ELAVL2: variants seen among roughly 807,000 people sequenced by gnomAD.
The protein encoded by ELAVL2 is ELAV-like protein 2.
ELAVL2 carries 4 observed loss-of-function variants against 34.6 expected under a neutral mutation model. The ratio of observed to expected loss-of-function variants is 0.12; its 90% CI spans 0.06 to 0.26. The LOEUF (loss-of-function observed/expected upper bound fraction) is 0.26, where lower values mean the gene tolerates loss of function less well. Ranked by LOEUF, ELAVL2 falls within the 10% of genes least tolerant of loss-of-function variation. The probability of loss-of-function intolerance (pLI) is 1.00; values close to 1 mark genes in which losing one functional copy is unlikely to be tolerated. For synonymous variants in ELAVL2, 193 were observed against 154.8 expected (o/e 1.25, Z -1.83); for missense variants, 432 against 442.8 (o/e 0.98, Z 0.22).
chr9:23,834,895 A>G, the ELAVL2 span, among the ~76,000 whole-genome samples: 8 of 152,198 alleles, frequency 5.3e-5, no homozygotes, highest in Non-Finnish European at 1.0e-4. Context: ...AATAATAAAA[A>G]CACCTTAGAT....
At chr9:23,776,420 G>A (rs2058197152) in intron 1 of ELAVL2, among the ~76,000 whole-genome samples, 1 of 152,026 alleles carries the variant, frequency 6.6e-6, no homozygotes, top group Non-Finnish European at 1.5e-5. Context: ...AAATCAAGAG[G>A]AAACCTGAAG....
intron 1 of ELAVL2, among the ~76,000 whole-genome samples, chr9:23,768,906 GAA>G (rs1237229828): frequency 5.9e-5 from 9 of 152,122 alleles, no homozygotes; most frequent in Non-Finnish European, 1.2e-4. Flanking sequence ...ATACTAACTA[GAA>G]AAGTTTAGGC....
intron 1 of ELAVL2, among the ~76,000 whole-genome samples, chr9:23,813,502 G>A (rs990322341): frequency 4.6e-5 from 7 of 151,516 alleles, no homozygotes; most frequent in Admixed American, 1.3e-4. Context: ...GTGGGCCACA[G>A]GCCTCTTTTA....
intron 3 of ELAVL2, among the ~76,000 whole-genome samples, chr9:23,706,928 G>C (rs1252516540): frequency 6.6e-6 from 1 of 152,012 alleles, no homozygotes; most frequent in Non-Finnish European, 1.5e-5. Flanking sequence ...CTGCCCCAAT[G>C]GTGTTAACAT....
Position 23,785,822 on chromosome 9 carries a change from G to GT in ELAVL2, c.-15-23574dup, listed in dbSNP as rs2059610092. 3.9e-5 allele frequency among the ~76,000 whole-genome samples: 6 copies of GT among 152,314 alleles called. No individual in the cohort carries two copies. In the South Asian group the frequency reaches 1.2e-3, roughly 32 times the overall value. Reference sequence around the variant, plus strand: ...ACACAATGGGAAAAGTAGTTGATCGGTTTGATAGAGGAAGAGACACTGGGT... The same window carrying GT: ...ACACAATGGGAAAAGTAGTTGATCGGTTTTGATAGAGGAAGAGACACTGGGT... On this transcript the variant is annotated intron_variant, in intron 1 of 6. Coordinates refer to ENST00000397312, the MANE Select transcript of ELAVL2 (RefSeq NM_004432.5).
intron 1 of ELAVL2, among the ~76,000 whole-genome samples, chr9:23,786,532 A>G (rs2137031236): frequency 6.6e-6 from 1 of 152,276 alleles, no homozygotes; most frequent in East Asian, 1.9e-4. Flanking sequence ...GCAGCTCAAT[A>G]AAAATGTACC....
In ELAVL2 at chr9:23,762,356, A is replaced by G. The variant is rs572233384; in HGVS notation, c.-15-107T>C. On this transcript the variant is annotated intron_variant, in intron 1 of 6. Coordinates refer to ENST00000397312, the MANE Select transcript of ELAVL2 (RefSeq NM_004432.5). ...TCACTAAACACAAGTCGTTCTAATG[A>G]AATTACAACAATGCTTCAACAAAAA... is the stretch of plus-strand genomic sequence containing the variant. The G allele has an allele frequency of 5.7e-6, 8 of 1,401,084 alleles. 1 individual carries two copies. Among genetic ancestry groups the G allele is most frequent in the Non-Finnish European group, 7.7e-6 (8 of 1,035,352 alleles). The allele number at this position is 1,401,084 out of a possible 1,614,324, so 86.8% of individuals were successfully genotyped here. A position where few individuals can be genotyped will look rare whatever the true frequency, so the allele number is the denominator to read the frequency against.
At chr9:23,763,604 GA>G (rs1196741897) in intron 1 of ELAVL2, among the ~76,000 whole-genome samples, 1 of 151,842 alleles carries the variant, frequency 6.6e-6, no homozygotes, top group Admixed American at 6.6e-5. Context: ...CAAGGAAAGA[GA>G]AAAAACTGTC....
At chr9:23,717,772 A>G (rs185256496) in intron 3 of ELAVL2, among the ~76,000 whole-genome samples, 23 of 152,310 alleles carry the variant, frequency 1.5e-4, no homozygotes, top group East Asian at 7.7e-4. Context: ...ACACAATGAC[A>G]TCAAGGACAA....
intron 6 of ELAVL2, 36 bp from the exon 7 acceptor site, chr9:23,692,920 A>G: frequency 6.3e-7 from 1 of 1,580,738 alleles, no homozygotes; most frequent in Non-Finnish European, 8.6e-7. Context: ...ACATACACAC[A>G]AAAAATAAAA....
rs142065322 is a variant in ELAVL2 at position 23,762,223 on chromosome 9, T to C, written c.12A>G (p.Gln4=). 1.5e-5 allele frequency: 25 copies of C among 1,613,460 alleles called. No individual in the cohort carries two copies. In the East Asian group the frequency reaches 3.8e-4, roughly 24 times the overall value. Residue 4 remains glutamine (Q), a synonymous_variant, in exon 2 of 7, where the codon CAA becomes CAG. Coordinates refer to ENST00000397312, the MANE Select transcript of ELAVL2 (RefSeq NM_004432.5). MET[Q]LSNGPTCNNT... ...TATTGCAAGTTGGCCCATTAGACAG[T>C]TGTGTTTCCATGGCAGCAATTACCT...
rs763955294 is a variant in ELAVL2 at position 23,693,408 on chromosome 9, G to C, written c.752+40C>G. 8.7e-6 allele frequency: 14 copies of C among 1,611,990 alleles called. No homozygotes were observed. The South Asian group carries it at 1.4e-4, about 16-fold the overall frequency. On this transcript the variant is annotated intron_variant, in intron 6 of 6. Transcript: ENST00000397312. ...CCAAAATCAAAGAAACCAATCAACT[G>C]TGGAAAGGGATTATGAGTATCATGA...
At chr9:23,763,212 C>T (rs187485292) in intron 1 of ELAVL2, among the ~76,000 whole-genome samples, 1 of 152,184 alleles carries the variant, frequency 6.6e-6, no homozygotes, top group East Asian at 1.9e-4. Flanking sequence ...ACTCCAAACA[C>T]CAGATAAAGA....
chr9:23,758,749 G>A (rs1482483434), intron 2 of ELAVL2, among the ~76,000 whole-genome samples: 5 of 152,014 alleles, frequency 3.3e-5, no homozygotes, highest in East Asian at 3.9e-4. Flanking sequence ...AAATAAGGCC[G>A]GGGAACTATA....
intron 1 of ELAVL2, among the ~76,000 whole-genome samples, chr9:23,801,333 C>T (rs1030053361): frequency 6.6e-6 from 1 of 152,070 alleles, no homozygotes; most frequent in Non-Finnish European, 1.5e-5. Flanking sequence ...TTTTTTAAAG[C>T]TACAAGGGAT....
chr9:23,727,230 A>T (rs1365028347), intron 3 of ELAVL2, among the ~76,000 whole-genome samples: 1 of 152,054 alleles, frequency 6.6e-6, no homozygotes, highest in Admixed American at 6.6e-5. Flanking sequence ...AACCAGGAAA[A>T]AAAGTGACCT....
intron 1 of ELAVL2, among the ~76,000 whole-genome samples, chr9:23,794,920 A>G (rs1457642292): frequency 6.6e-6 from 1 of 152,168 alleles, no homozygotes. Flanking sequence ...AGAAAAATAA[A>G]ATTTAACTAA....
chr9:23,759,760 A>T (rs981208419), intron 2 of ELAVL2, among the ~76,000 whole-genome samples: 2 of 102,536 alleles, frequency 2.0e-5, no homozygotes, highest in East Asian at 3.9e-4. Context: ...AGTATTATAT[A>T]TATATATATA....
At chr9:23,737,561 AAAGTACTTTTTCACT>A (rs1564178548) in intron 2 of ELAVL2, among the ~76,000 whole-genome samples, 1 of 152,212 alleles carries the variant, frequency 6.6e-6, no homozygotes, top group Admixed American at 6.5e-5. Context: ...AATTTTGTTG[AAAGTACTTTTTCACT>A]AATATAATTA....
Sources: gnomAD v4.1 joint callset for allele counts (sites outside exome capture counted in the v4.1 genomes callset) on GRCh38, gnomAD v4.1.1 for gene constraint, MANE v1.5 for transcripts, NCBI Gene and HGNC (gene_info 2026-07-23, HGNC 2026-07-21) for gene names.